Variants in DOCK1 observed in about 807,000 individuals in gnomAD.
The protein encoded by DOCK1 is dedicator of cytokinesis protein 1.
DOCK1 carries 138 observed loss-of-function variants against 262.7 expected under a neutral mutation model. The ratio of observed to expected loss-of-function variants is 0.53; its 90% CI spans 0.46 to 0.61. The LOEUF (loss-of-function observed/expected upper bound fraction) is 0.61, where lower values mean the gene tolerates loss of function less well. Ranked by LOEUF, DOCK1 falls within the 20% of genes least tolerant of loss-of-function variation. The probability of loss-of-function intolerance (pLI) is 0.00; values close to 1 mark genes in which losing one functional copy is unlikely to be tolerated. For synonymous variants in DOCK1, 866 were observed against 867.4 expected (o/e 1.00, Z 0.03); for missense variants, 1,908 against 2,370.7 (o/e 0.80, Z 4.05).
chr10:127,214,532 TA>T (rs1225630551), intron 27 of DOCK1, among the ~76,000 whole-genome samples: 1 of 152,218 alleles, frequency 6.6e-6, no homozygotes, highest in Admixed American at 6.5e-5. Flanking sequence ...TTCGTTTTCT[TA>T]GCTGAATAAT....
chr10:127,236,244 A>G (rs1370261539), intron 27 of DOCK1, among the ~76,000 whole-genome samples: 1 of 151,946 alleles, frequency 6.6e-6, no homozygotes, highest in African/African-American at 2.4e-5. Context: ...TGTTGTTTTA[A>G]GTTTTGCATT....
intron 1 of DOCK1, among the ~76,000 whole-genome samples, chr10:126,926,722 T>C (rs558986353): frequency 2.0e-5 from 3 of 152,192 alleles, no homozygotes; most frequent in Admixed American, 6.5e-5. Context: ...CTCAGCCAAG[T>C]GAGGATGGAG....
At chr10:127,261,029 CTGTATG>C (rs1248315208) in intron 29 of DOCK1, among the ~76,000 whole-genome samples, 3 of 53,390 alleles carry the variant, frequency 5.6e-5, no homozygotes, top group African/African-American at 2.5e-4. Context: ...ATGTGGGTGT[CTGTATG>C]TGTGTACCCG....
At chr10:127,387,852 CAG>C (rs2066220202) in intron 38 of DOCK1, among the ~76,000 whole-genome samples, 1 of 107,006 alleles carries the variant, frequency 9.3e-6, no homozygotes, top group Non-Finnish European at 1.8e-5. Flanking sequence ...AATCAAAAAA[CAG>C]AGTCTTTTTT....
chr10:127,277,744 C>CA (rs1272695327), intron 29 of DOCK1, among the ~76,000 whole-genome samples: 2 of 152,100 alleles, frequency 1.3e-5, no homozygotes, highest in African/African-American at 2.4e-5. Context: ...GCCTGGGTGA[C>CA]AGAGCGAGAC....
chr10:126,928,848 C>T (rs1442916162), intron 1 of DOCK1, among the ~76,000 whole-genome samples: 3 of 152,218 alleles, frequency 2.0e-5, no homozygotes, highest in African/African-American at 7.2e-5. Flanking sequence ...TATTTCTAAG[C>T]GTTATTTTGT....
intron 27 of DOCK1, among the ~76,000 whole-genome samples, chr10:127,245,434 C>T (rs922685024): frequency 6.6e-6 from 1 of 152,200 alleles, no homozygotes; most frequent in Non-Finnish European, 1.5e-5. Flanking sequence ...CCTTCTGGGC[C>T]TCCTGTAATT....
chr10:127,105,981 T>C (rs2048505539), intron 23 of DOCK1, among the ~76,000 whole-genome samples: 1 of 152,070 alleles, frequency 6.6e-6, no homozygotes, highest in Non-Finnish European at 1.5e-5. Flanking sequence ...CCCAGGCTGG[T>C]CTCGAACTCC....
Position 127,032,177 on chromosome 10 carries a change from G to T in DOCK1, c.1769G>T (p.Ser590Ile), listed in dbSNP as rs1253401024. Residue 590 changes from serine to isoleucine, a missense_variant, in exon 18 of 52, where the codon AGT becomes ATT. Physicochemically the swap from Ser to Ile is moderately radical, Grantham distance 142. This residue lies in a region of DOCK1 where 294 missense variants were observed against 439.9 expected (regional missense o/e 0.67). Coordinates refer to ENST00000623213, the MANE Select transcript of DOCK1 (RefSeq NM_001290223.2). ...CTGGAAGATGCTGCCACGTACTTGAGTCTGCCCTCCACGAAGGCAGAGTTG... is the reference window on the plus strand; with the variant it reads ...CTGGAAGATGCTGCCACGTACTTGATTCTGCCCTCCACGAAGGCAGAGTTG... The part of the protein sequence containing the change: ...KKLEDAATYL[S>I]LPSTKAELEE... 1 of 1,598,586 alleles carries T rather than the reference G, an allele frequency of 6.3e-7. No individual in the cohort carries two copies. The highest frequency in any genetic ancestry group is 1.3e-5 in the African/African-American group (1 of 74,618).
At chr10:127,105,651 G>A (rs2048487092) in intron 23 of DOCK1, among the ~76,000 whole-genome samples, 2 of 152,288 alleles carry the variant, frequency 1.3e-5, no homozygotes, top group South Asian at 4.1e-4. Flanking sequence ...CACAGTATAG[G>A]CACTTAGGCC....
Position 127,446,689 on chromosome 10 carries a change from C to T in DOCK1, c.5414-705C>T, listed in dbSNP as rs906332591. On this transcript the variant is annotated intron_variant, in intron 50 of 51. Coordinates refer to ENST00000623213, the MANE Select transcript of DOCK1 (RefSeq NM_001290223.2). This position sits in a 1 kb window ranked among gnomAD's most constrained non-coding sequence, Gnocchi z 4.4. ...CATCAGTAAAAATGTCCATTTTTCT[C>T]TCTTTAATATAAAAGAAAACAAATT... is the stretch of plus-strand genomic sequence containing the variant. Among the ~76,000 whole-genome samples the T allele has an allele frequency of 3.3e-5, 5 of 152,298 alleles. No homozygotes were observed. The South Asian group carries it at 1.0e-3, about 32-fold the overall frequency.
chr10:127,001,817 CTGAAGTCCCCACAG>C (rs1239047535), intron 10 of DOCK1, among the ~76,000 whole-genome samples: 1 of 152,166 alleles, frequency 6.6e-6, no homozygotes, highest in Non-Finnish European at 1.5e-5. Flanking sequence ...GGTGTTCTTT[CTGAAGTCCCCACAG>C]CCTTGGGCTG....
chr10:126,996,878 G>C lies in DOCK1; in HGVS notation c.604G>C (p.Glu202Gln), dbSNP rs1176770110. The change falls in exon 7 of 52, where the codon GAA (glutamate) becomes CAA (glutamine). Residue 202 changes from glutamate to glutamine, a missense_variant. By Grantham distance (29) the Glu-to-Gln change is conservative (BLOSUM62 2). Around this residue, in one of 9 missense-constraint regions of DOCK1, gnomAD observed 227 missense variants for 254.1 expected, o/e 0.89. Transcript: ENST00000623213. ...ACAAGTGGAGGAAAGGTTACAAGAGGAAAAAGTAAGTTTGACTCTGTCATA... is the reference window on the plus strand; with the variant it reads ...ACAAGTGGAGGAAAGGTTACAAGAGCAAAAAGTAAGTTTGACTCTGTCATA... ...SKQVEERLQE[E>Q]KSQKQNIDIN... 1.3e-6 allele frequency: 2 copies of C among 1,591,850 alleles called. No individual in the cohort carries two copies. Among genetic ancestry groups the C allele is most frequent in the Admixed American group, 3.6e-5 (2 of 54,938 alleles).
intron 13 of DOCK1, among the ~76,000 whole-genome samples, chr10:127,022,165 T>C (rs2042479004): frequency 1.3e-5 from 2 of 151,922 alleles, no homozygotes; most frequent in African/African-American, 4.8e-5. Flanking sequence ...TAAAAGCCCA[T>C]CTCACTTTAA....
At chr10:127,418,987 G>A (rs139976942) in intron 45 of DOCK1, among the ~76,000 whole-genome samples, 1,810 of 152,350 alleles carry the variant, frequency 0.012, 29 homozygotes, top group African/African-American at 0.037. Context: ...GACACAGGGT[G>A]TATCCTAGAC....
intron 27 of DOCK1, among the ~76,000 whole-genome samples, chr10:127,241,353 G>GT (rs951255413): frequency 3.3e-5 from 5 of 152,020 alleles, no homozygotes; most frequent in Admixed American, 6.6e-5. Context: ...TATTATTGTA[G>GT]TTTTTTTACT....
At chr10:127,157,001 G>C (rs1346853646) in intron 27 of DOCK1, among the ~76,000 whole-genome samples, 1 of 152,162 alleles carries the variant, frequency 6.6e-6, no homozygotes, top group Non-Finnish European at 1.5e-5. Flanking sequence ...CATTTTTCTG[G>C]CTCTACAGGA....
chr10:127,429,429 C>G (rs902040141), intron 47 of DOCK1, among the ~76,000 whole-genome samples: 14 of 152,182 alleles, frequency 9.2e-5, no homozygotes, highest in African/African-American at 3.4e-4. Flanking sequence ...CCTGTCTTAC[C>G]TACTTTGGAA....
chr10:126,930,737 A>G (rs2034126240), intron 1 of DOCK1, among the ~76,000 whole-genome samples: 1 of 152,236 alleles, frequency 6.6e-6, no homozygotes, highest in African/African-American at 2.4e-5. Context: ...TAAGACATGT[A>G]GAGACAAAGC....
Sources: gnomAD v4.1 joint callset for allele counts (sites outside exome capture counted in the v4.1 genomes callset) on GRCh38, gnomAD v4.1.1 for gene constraint, gnomAD v4.1.1 regional missense constraint, Gnocchi (gnomAD v3.1) non-coding constraint, MANE v1.5 for transcripts, NCBI Gene and HGNC (gene_info 2026-07-23, HGNC 2026-07-21) for gene names.